Variants in OPCML observed in about 807,000 individuals in gnomAD.
OPCML encodes the protein opioid binding protein/cell adhesion molecule like, also known as opioid-binding protein/cell adhesion molecule.
A neutral mutation model predicts 37.8 loss-of-function variants in OPCML; 13 were observed. That is an observed-to-expected ratio of 0.34 (90% confidence interval 0.22 to 0.55). The LOEUF (loss-of-function observed/expected upper bound fraction) is 0.55. Ranked by LOEUF, OPCML falls within the 20% of genes least tolerant of loss-of-function variation. The pLI is 0.91. For synonymous variants in OPCML, 176 were observed against 168.8 expected (o/e 1.04, Z -0.33); for missense variants, 341 against 435.6 (o/e 0.78, Z 1.93).
chr11:132,480,017 G>A (rs985004292), intron 4 of OPCML, among the ~76,000 whole-genome samples: 2 of 152,196 alleles, frequency 1.3e-5, no homozygotes, highest in Non-Finnish European at 2.9e-5. Flanking sequence ...AAGCTGGACG[G>A]AGAATGACTT....
intron 2 of OPCML, among the ~76,000 whole-genome samples, chr11:132,843,251 T>C (rs1429589677): frequency 6.6e-6 from 1 of 152,002 alleles, no homozygotes; most frequent in Non-Finnish European, 1.5e-5. Flanking sequence ...TGTGCCACCA[T>C]GCCCAGTTAA....
At chr11:133,495,600 C>A (rs376161826) in intron 1 of OPCML, among the ~76,000 whole-genome samples, 1 of 152,240 alleles carries the variant, frequency 6.6e-6, no homozygotes, top group African/African-American at 2.4e-5. Context: ...GCCATTCTTG[C>A]AAAAGTAAGG....
chr11:133,500,567 C>G (rs1164564664), intron 1 of OPCML, among the ~76,000 whole-genome samples: 1 of 152,222 alleles, frequency 6.6e-6, no homozygotes, highest in East Asian at 1.9e-4. Context: ...CGCTCCCTTC[C>G]CACCACCTCC....
chr11:133,358,965 C>G (rs1944354425), intron 1 of OPCML, among the ~76,000 whole-genome samples: 1 of 150,800 alleles, frequency 6.6e-6, no homozygotes, highest in African/African-American at 2.4e-5. Context: ...GGTGGGGGGA[C>G]CAGGGGTGAT....
intron 2 of OPCML, among the ~76,000 whole-genome samples, chr11:132,824,851 T>G (rs1161814595): frequency 6.6e-6 from 1 of 152,198 alleles, no homozygotes; most frequent in African/African-American, 2.4e-5. Flanking sequence ...TGCCTGTTCT[T>G]TCACCACAAG....
intron 2 of OPCML, among the ~76,000 whole-genome samples, chr11:132,894,333 A>T (rs1004972492): frequency 4.6e-5 from 7 of 152,136 alleles, no homozygotes; most frequent in Admixed American, 1.3e-4. Flanking sequence ...TTTCTGGCTG[A>T]TTCTTATGTT....
intron 4 of OPCML, among the ~76,000 whole-genome samples, chr11:132,456,817 T>C (rs765864498): frequency 9.2e-5 from 14 of 152,266 alleles, no homozygotes; most frequent in Non-Finnish European, 1.6e-4. Context: ...ATTTAAACCA[T>C]ACTTTTCTGT....
chr11:133,463,518 T>C (rs1946907062), intron 1 of OPCML, among the ~76,000 whole-genome samples: 1 of 152,174 alleles, frequency 6.6e-6, no homozygotes, highest in Non-Finnish European at 1.5e-5. Flanking sequence ...TTTATACTCT[T>C]ACCAACAGTG....
At chr11:133,529,064 C>T (rs543922395) in intron 1 of OPCML, among the ~76,000 whole-genome samples, 2 of 152,336 alleles carry the variant, frequency 1.3e-5, no homozygotes, top group African/African-American at 4.8e-5. Context: ...GCCACAGAGC[C>T]ATTTCTCAAA....
chr11:132,507,109 TA>T (rs5795785), intron 4 of OPCML, among the ~76,000 whole-genome samples: 214 of 144,486 alleles, frequency 1.5e-3, no homozygotes, highest in Middle Eastern at 3.7e-3. Context: ...CATTAAATTG[TA>T]AAAAAAAAAA....
intron 1 of OPCML, among the ~76,000 whole-genome samples, chr11:133,488,495 C>T (rs183606502): frequency 1.6e-3 from 248 of 152,020 alleles, no homozygotes; most frequent in African/African-American, 5.7e-3. Flanking sequence ...AGAATGCAAC[C>T]CCATTTACAA....
intron 1 of OPCML, among the ~76,000 whole-genome samples, chr11:133,040,103 C>G (rs995770049): frequency 6.6e-6 from 1 of 151,836 alleles, no homozygotes; most frequent in Non-Finnish European, 1.5e-5. Flanking sequence ...CCAAGCAGAA[C>G]ACGTCCAGAA....
At chr11:132,716,380 A>G (rs1565801824) in intron 2 of OPCML, among the ~76,000 whole-genome samples, 1 of 149,622 alleles carries the variant, frequency 6.7e-6, no homozygotes, top group African/African-American at 2.5e-5. Context: ...CTGTCTGTCT[A>G]TCTGTCTATT....
intron 2 of OPCML, among the ~76,000 whole-genome samples, chr11:132,826,796 T>C (rs1052206182): frequency 2.0e-5 from 3 of 152,238 alleles, no homozygotes; most frequent in African/African-American, 7.2e-5. Context: ...TTGTTATTAC[T>C]GTTACTCTAA....
chr11:133,470,886 A>C (rs916668765), intron 1 of OPCML, among the ~76,000 whole-genome samples: 1 of 152,178 alleles, frequency 6.6e-6, no homozygotes, highest in East Asian at 1.9e-4. Flanking sequence ...TTCAGGGTCA[A>C]TCCAAACAAA....
At chr11:132,771,752 G>A (rs892671059) in intron 2 of OPCML, 7 of 152,206 alleles carry the variant, frequency 4.6e-5, no homozygotes, top group African/African-American at 1.7e-4. Context: ...TAAACTCAGA[G>A]TTCTCTGACT....
intron 4 of OPCML, among the ~76,000 whole-genome samples, chr11:132,481,498 T>C (rs1478408332): frequency 2.7e-5 from 4 of 149,498 alleles, no homozygotes; most frequent in Admixed American, 1.3e-4. Context: ...CTGTCAACAT[T>C]AGACAGATGA....
chr11:133,317,266 A>G (rs1943225868), intron 1 of OPCML, among the ~76,000 whole-genome samples: 2 of 152,336 alleles, frequency 1.3e-5, no homozygotes, highest in African/African-American at 4.8e-5. Flanking sequence ...TTATTCTACG[A>G]TCCTCTAAGA....
At chr11:132,562,158 A>G (rs904888290) in intron 3 of OPCML, among the ~76,000 whole-genome samples, 2 of 152,220 alleles carry the variant, frequency 1.3e-5, no homozygotes, top group Non-Finnish European at 2.9e-5. Flanking sequence ...GCACTCCAAA[A>G]TGAGGGCCTG....
Sources: allele counts gnomAD v4.1 joint callset (sites outside exome capture counted in the v4.1 genomes callset), GRCh38; gene constraint gnomAD v4.1.1; transcripts MANE v1.5; gene names NCBI Gene and HGNC (gene_info 2026-07-23, HGNC 2026-07-21).